RAB11FIP5: variants seen among roughly 807,000 people sequenced by gnomAD.
RAB11FIP5 encodes the protein RAB11 family interacting protein 5, also known as rab11 family-interacting protein 5.
In RAB11FIP5, 48 loss-of-function variants were observed where a neutral mutation model predicts 85.1. That is an observed-to-expected ratio of 0.56 (90% CI 0.45 to 0.72). The LOEUF (loss-of-function observed/expected upper bound fraction) is 0.72. Ranked by LOEUF, RAB11FIP5 falls within the 30% of genes least tolerant of loss-of-function variation. RAB11FIP5 has a pLI of 0.00. For missense variants in RAB11FIP5, 1,491 were observed against 1,687.0 expected (o/e 0.88, Z 2.04); for synonymous variants, 729 against 727.3 (o/e 1.00, Z -0.04).
chr2:73,110,361 G>C (rs1684612928), intron 1 of RAB11FIP5, among the ~76,000 whole-genome samples: 1 of 152,160 alleles, frequency 6.6e-6, no homozygotes, highest in African/African-American at 2.4e-5. Context: ...GACCACAGCG[G>C]GGGTGACAGC....
intron 1 of RAB11FIP5, 102 bp downstream of exon 1, chr2:73,112,245 C>T (rs1388728215): frequency 7.8e-7 from 1 of 1,286,700 alleles, no homozygotes; most frequent in Non-Finnish European, 1.0e-6. Context: ...AAGCACGAGG[C>T]AAGGGCTCAC....
At chr2:73,079,438 G>C (rs1683923866) in intron 4 of RAB11FIP5, among the ~76,000 whole-genome samples, 1 of 152,140 alleles carries the variant, frequency 6.6e-6, no homozygotes, top group East Asian at 1.9e-4. Flanking sequence ...GGGCTGCCTT[G>C]ATTATCCCAA....
chr2:73,108,567 C>G (rs751865956), intron 1 of RAB11FIP5, among the ~76,000 whole-genome samples: 1 of 152,216 alleles, frequency 6.6e-6, no homozygotes, highest in Non-Finnish European at 1.5e-5. Flanking sequence ...CCTTCCTTCC[C>G]TCTTCTGATA....
At chr2:73,110,060 T>TCC (rs1477389688) in intron 1 of RAB11FIP5, among the ~76,000 whole-genome samples, 3 of 152,188 alleles carry the variant, frequency 2.0e-5, no homozygotes, top group Non-Finnish European at 4.4e-5. Context: ...CTGGGATCTG[T>TCC]CCAGTGCCAC....
rs1359612629 is a variant in RAB11FIP5 at position 73,081,567 on chromosome 2, G to C, written c.1665C>G (p.Pro555=). ...PWAPAPPTPA[P]TAAPMLSTNL... ...TAGTGCTTAGCATGGGAGCAGCAGT[G>C]GGAGCAGGAGTGGGAGGGGCCGGAG... is the stretch of plus-strand genomic sequence containing the variant. The change falls in exon 4 of 6, where the codon CCC becomes CCG. Residue 555 remains proline (P), a synonymous_variant. Transcript: ENST00000486777. This position sits in a 1 kb window ranked among gnomAD's most constrained non-coding sequence, Gnocchi z 4.2. 8.3e-7 allele frequency: 1 copy of C among 1,204,650 alleles called. No homozygotes were observed. The highest frequency in any genetic ancestry group is 4.2e-5 in the Admixed American group (1 of 23,654). The allele number at this position is 1,204,650 out of a possible 1,614,324, so 74.6% of individuals were successfully genotyped here.
chr2:73,085,557 T>C (rs1684077330), intron 3 of RAB11FIP5, among the ~76,000 whole-genome samples: 1 of 152,136 alleles, frequency 6.6e-6, no homozygotes, highest in African/African-American at 2.4e-5. Context: ...GGAATGAGGC[T>C]AAGTCCTGTG....
At position 73,078,373 on chromosome 2, in the gene RAB11FIP5, T is replaced by C. The variant is rs1683901611; in HGVS notation, c.3581+1278A>G. On this transcript the variant is annotated intron_variant, in intron 4 of 5. Coordinates refer to ENST00000486777, the MANE Select transcript of RAB11FIP5 (RefSeq NM_001371272.1). This position sits in a 1 kb window ranked among gnomAD's most constrained non-coding sequence, Gnocchi z 4.4. ...AGCCAACTCTGGGACGAATAAAACT[T>C]ATAAAAAGTGGCAAGTATTATTAGA... 6.6e-6 allele frequency among the ~76,000 whole-genome samples: 1 copy of C among 152,138 alleles called. No homozygotes were observed. Among genetic ancestry groups the C allele is most frequent in the Non-Finnish European group, 1.5e-5 (1 of 68,036 alleles).
intron 1 of RAB11FIP5, among the ~76,000 whole-genome samples, chr2:73,107,914 C>T (rs1018694112): frequency 1.3e-5 from 2 of 152,178 alleles, no homozygotes; most frequent in Non-Finnish European, 2.9e-5. Flanking sequence ...GCTGTGGGGT[C>T]ACGCACCATC....
Position 73,088,241 on chromosome 2 carries a change from C to A in RAB11FIP5, c.1377G>T (p.Lys459Asn), listed in dbSNP as rs772351421. The A allele has an allele frequency of 6.2e-7, 1 of 1,613,948 alleles. No individual in the cohort carries two copies. The highest frequency in any genetic ancestry group is 8.5e-7 in the Non-Finnish European group (1 of 1,180,032). ...GGTGGTGGAAGAGACCCATCCGGGG[C>A]TTGCGTTCCTCCTTCCGGGCTCCCT... ...EKEGARKEER[K>N]PRMGLFHHHH... is the part of the protein sequence containing the mutation. The change falls in exon 3 of 6, where the codon AAG becomes AAT. Residue 459 changes from lysine (K) to asparagine (N), a missense_variant. Physicochemically the swap from Lys to Asn is moderately conservative, Grantham distance 94. Around this residue, in one of 3 missense-constraint regions of RAB11FIP5, gnomAD observed 1,211 missense variants for 1,338.0 expected, o/e 0.91. Transcript: ENST00000486777.
chr2:73,088,846 C>T, intron 2 of RAB11FIP5, 33 bp downstream of exon 2: 3 of 1,539,272 alleles, frequency 1.9e-6, no homozygotes, highest in Admixed American at 2.0e-5. Context: ...CCAGTGCCCC[C>T]CTCCCCAGGG....
At chr2:73,083,317 C>T (rs999002109) in intron 3 of RAB11FIP5, among the ~76,000 whole-genome samples, 1 of 152,260 alleles carries the variant, frequency 6.6e-6, no homozygotes. Context: ...AGGGGCGGAC[C>T]ACAGGAAGGA....
At chr2:73,102,915 T>C (rs1473340400) in intron 1 of RAB11FIP5, among the ~76,000 whole-genome samples, 1 of 152,136 alleles carries the variant, frequency 6.6e-6, no homozygotes. Context: ...ATCATGCAGT[T>C]AAAGACAAGG....
Position 73,079,874 on chromosome 2 carries a change from C to T in RAB11FIP5, c.3358G>A (p.Gly1120Arg). 8.1e-7 allele frequency: 1 copy of T among 1,232,492 alleles called. No individual in the cohort carries two copies. The allele number at this position is 1,232,492 out of a possible 1,614,324, so 76.3% of individuals were successfully genotyped here. A position where few individuals can be genotyped will look rare whatever the true frequency, so the allele number is the denominator to read the frequency against. ...LPPWASHHRG[G>R]PSPPCSPLSE... ...AGGGGAGAGCATGGAGGGCTGGGCC[C>T]CCCACGGTGGTGGCTGGCCCAAGGC... The change falls in exon 4 of 6, where the codon GGG becomes AGG. Residue 1120 changes from glycine to arginine, a missense_variant. Physicochemically the swap from Gly to Arg is moderately radical, Grantham distance 125. Transcript: ENST00000486777.
Position 73,080,279 on chromosome 2 carries a change from G to T in RAB11FIP5, c.2953C>A (p.Pro985Thr), listed in dbSNP as rs952863432. The change falls in exon 4 of 6, where the codon CCT (proline) becomes ACT (threonine). Residue 985 changes from proline to threonine, a missense_variant. Transcript: ENST00000486777. ...GCAGACAGGCAGGGCCCAGACACAG[G>T]GGGGCTGGCATCCTCCACTAGCTCT... Reference protein sequence around the residue: ...LEELVEDASPPVSGPCLSAPA... With the variant: ...LEELVEDASPTVSGPCLSAPA... 4.3e-5 allele frequency: 53 copies of T among 1,232,854 alleles called. No individual in the cohort carries two copies. The highest frequency in any genetic ancestry group is 1.7e-4 in the Admixed American group (4 of 23,700). 76.4% of individuals were successfully genotyped at this position (1,232,854 alleles called of 1,614,324 possible).
intron 1 of RAB11FIP5, among the ~76,000 whole-genome samples, chr2:73,105,451 T>A (rs1684505654): frequency 6.6e-6 from 1 of 151,954 alleles, no homozygotes; most frequent in Non-Finnish European, 1.5e-5. Context: ...CTATGTTGCC[T>A]AGGTTGCTCT....
At chr2:73,096,102 G>A (rs1357488905) in intron 1 of RAB11FIP5, among the ~76,000 whole-genome samples, 3 of 152,152 alleles carry the variant, frequency 2.0e-5, no homozygotes, top group African/African-American at 4.8e-5. Flanking sequence ...ACCAGGCCCC[G>A]TGTGGACTTG....
rs1683959443 is a variant in RAB11FIP5 at position 73,080,747 on chromosome 2, C to G, written c.2485G>C (p.Ala829Pro). The G allele has an allele frequency of 1.6e-6, 2 of 1,232,590 alleles. No individual in the cohort carries two copies. The highest frequency in any genetic ancestry group is 2.0e-6 in the Non-Finnish European group (2 of 988,104). 76.4% of individuals were successfully genotyped at this position (1,232,590 alleles called of 1,614,324 possible). Residue 829 changes from alanine to proline, a missense_variant, in exon 4 of 6, where the codon GCT (alanine) becomes CCT (proline). Ala to Pro is a conservative substitution (Grantham distance 27). Coordinates refer to ENST00000486777, the MANE Select transcript of RAB11FIP5 (RefSeq NM_001371272.1). ...ENQLCPDVETADDAWPWDVVT... is the reference protein window; with the variant it reads ...ENQLCPDVETPDDAWPWDVVT... The stretch of plus-strand genomic sequence containing the variant: ...ACATCCCAAGGCCAGGCATCATCAG[C>G]TGTCTCGACGTCAGGGCAAAGCTGA...
chr2:73,106,129 C>T (rs1684522285), intron 1 of RAB11FIP5, among the ~76,000 whole-genome samples: 3 of 152,208 alleles, frequency 2.0e-5, no homozygotes, highest in South Asian at 4.1e-4. Flanking sequence ...TGTTAAACAG[C>T]ACCTACACCT....
At chr2:73,093,157 C>A (rs1007696345) in intron 1 of RAB11FIP5, among the ~76,000 whole-genome samples, 16 of 152,246 alleles carry the variant, frequency 1.1e-4, no homozygotes, top group African/African-American at 3.9e-4. Context: ...CAGAGCCCCA[C>A]ACGCAGCAGA....
Sources: gnomAD v4.1 joint callset for allele counts (sites outside exome capture counted in the v4.1 genomes callset) on GRCh38, gnomAD v4.1.1 for gene constraint, gnomAD v4.1.1 regional missense constraint, Gnocchi (gnomAD v3.1) non-coding constraint, MANE v1.5 for transcripts, NCBI Gene and HGNC (gene_info 2026-07-23, HGNC 2026-07-21) for gene names.